WDR25: variants seen among roughly 807,000 people sequenced by gnomAD.
WDR25 encodes WD repeat domain 25.
In WDR25, 35 loss-of-function variants were observed where a neutral mutation model predicts 47.7. The observed-to-expected ratio is 0.73, with a 90% CI of 0.56 to 0.97. The LOEUF (loss-of-function observed/expected upper bound fraction) is 0.97, where lower values mean the gene tolerates loss of function less well. Ranked by LOEUF, WDR25 falls within the 50% of genes least tolerant of loss-of-function variation. The pLI is 0.00. For missense variants in WDR25, 634 were observed against 704.7 expected (o/e 0.90, Z 1.14); for synonymous variants, 248 against 278.9 (o/e 0.89, Z 1.10).
chr14:100,465,916 G>A (rs1029711002), intron 2 of WDR25, among the ~76,000 whole-genome samples: 1 of 152,192 alleles, frequency 6.6e-6, no homozygotes, highest in Non-Finnish European at 1.5e-5. Context: ...GTACAAGGTG[G>A]TGTTTCATGT....
At chr14:100,405,865 T>C (rs1487447258) in intron 2 of WDR25, among the ~76,000 whole-genome samples, 1 of 152,230 alleles carries the variant, frequency 6.6e-6, no homozygotes, top group Non-Finnish European at 1.5e-5. Context: ...TGTTTTTCTC[T>C]GTAACTGGCC....
intron 3 of WDR25, among the ~76,000 whole-genome samples, chr14:100,475,728 C>A (rs11626307): frequency 0.25 from 37,670 of 151,932 alleles, 6,116 homozygotes; most frequent in East Asian, 0.52. Context: ...TGCATGATGA[C>A]CACAGTTAAT....
intron 3 of WDR25, among the ~76,000 whole-genome samples, chr14:100,472,421 C>G (rs1899871562): frequency 1.3e-5 from 2 of 152,268 alleles, no homozygotes; most frequent in South Asian, 2.1e-4. Flanking sequence ...TTCTACCACA[C>G]CACCTGGTGC....
In WDR25 at chr14:100,523,177, T is replaced by C. The variant is rs1417725548; in HGVS notation, c.1102-2693T>C. 6.6e-6 allele frequency among the ~76,000 whole-genome samples: 1 copy of C among 152,254 alleles called. No homozygotes were observed. Among genetic ancestry groups the C allele is most frequent in the Admixed American group, 6.5e-5 (1 of 15,294 alleles). ...TTCACTCATTCATTTATGCATTTAC[T>C]CACTTATCCAGCATCAATTTGACAC... On this transcript the variant is annotated intron_variant, in intron 4 of 6. Transcript: ENST00000402312. The surrounding 1 kb of genome is among the most constrained non-coding windows in gnomAD (Gnocchi z 4.7).
At chr14:100,450,545 C>A (rs1898994592) in intron 2 of WDR25, among the ~76,000 whole-genome samples, 1 of 152,224 alleles carries the variant, frequency 6.6e-6, no homozygotes, top group Non-Finnish European at 1.5e-5. Flanking sequence ...GCATAAATAT[C>A]TGTTGAACAA....
At chr14:100,495,826 A>G (rs147243377) in intron 4 of WDR25, among the ~76,000 whole-genome samples, 1 of 152,370 alleles carries the variant, frequency 6.6e-6, no homozygotes, top group Non-Finnish European at 1.5e-5. Context: ...TGACCAAATA[A>G]TATTCCATTG....
In WDR25 at chr14:100,495,866, C is replaced by G. The variant is rs76604558; in HGVS notation, c.1101+11742C>G. ...GATATACACATTTTGTTTCTCCATT[C>G]TCTAGGTGATGGACGTTTGCATTGT... is the stretch of plus-strand genomic sequence containing the variant. On this transcript the variant is annotated intron_variant, in intron 4 of 6. Coordinates refer to ENST00000402312, the MANE Select transcript of WDR25 (RefSeq NM_001161476.3). Among the ~76,000 whole-genome samples, 1,380 of 152,290 alleles carry G rather than the reference C, an allele frequency of 9.1e-3. 18 individuals carry two copies. Among genetic ancestry groups the G allele is most frequent in the African/African-American group, 0.032 (1,319 of 41,540 alleles).
intron 2 of WDR25, among the ~76,000 whole-genome samples, chr14:100,384,896 G>A (rs746256098): frequency 1.3e-5 from 2 of 152,222 alleles, no homozygotes; most frequent in African/African-American, 4.8e-5. Flanking sequence ...CCTTGGTTGC[G>A]TGGTCTCTGG....
At position 100,462,188 on chromosome 14, in the gene WDR25, C is replaced by G. The variant is rs542895350; in HGVS notation, c.823-5833C>G. Among the ~76,000 whole-genome samples, 3 of 152,300 alleles carry G rather than the reference C, an allele frequency of 2.0e-5. 1 individual carries two copies. The highest frequency in any genetic ancestry group is 7.2e-5 in the African/African-American group (3 of 41,566). The stretch of plus-strand genomic sequence containing the variant: ...TGTCTTGGTAACGAGGACACAGAAA[C>G]TGTGGTAAATATGGCACCGACAAGT... On this transcript the variant is annotated intron_variant, in intron 2 of 6. Transcript: ENST00000402312.
At chr14:100,410,817 C>G (rs1006196332) in intron 2 of WDR25, among the ~76,000 whole-genome samples, 3 of 149,700 alleles carry the variant, frequency 2.0e-5, no homozygotes, top group African/African-American at 7.4e-5. Flanking sequence ...GAGTCTCACG[C>G]TGTCGCCCAC....
Position 100,403,446 on chromosome 14 carries a change from T to G in WDR25, c.822+21700T>G, listed in dbSNP as rs34393347. Among the ~76,000 whole-genome samples the G allele has an allele frequency of 7.9e-5, 12 of 152,220 alleles. No individual in the cohort carries two copies. In the South Asian group the frequency reaches 2.3e-3, roughly 29 times the overall value. The stretch of plus-strand genomic sequence containing the variant: ...ACTCCTGGGAAGGAACTGGGCAGAT[T>G]TGTGTTTGAGCCATGGCTCTTTCTA... On this transcript the variant is annotated intron_variant, in intron 2 of 6. Coordinates refer to ENST00000402312, the MANE Select transcript of WDR25 (RefSeq NM_001161476.3).
At chr14:100,418,635 CAA>C (rs71113266) in intron 2 of WDR25, among the ~76,000 whole-genome samples, 5 of 129,334 alleles carry the variant, frequency 3.9e-5, no homozygotes, top group African/African-American at 3.1e-5. Context: ...GACTCCGTCT[CAA>C]AAAAAAAAAA....
intron 4 of WDR25, among the ~76,000 whole-genome samples, chr14:100,521,584 G>T (rs1395987227): frequency 3.3e-5 from 5 of 152,032 alleles, no homozygotes; most frequent in African/African-American, 9.7e-5. Context: ...AGCAGGATAG[G>T]TTCCTCATTC....
At chr14:100,457,267 T>C (rs1259851806) in intron 2 of WDR25, among the ~76,000 whole-genome samples, 1 of 152,212 alleles carries the variant, frequency 6.6e-6, no homozygotes, top group Admixed American at 6.5e-5. Flanking sequence ...AAATTTCTTA[T>C]AACTACTGTT....
At chr14:100,519,004 A>G (rs192104773) in intron 4 of WDR25, among the ~76,000 whole-genome samples, 1 of 151,896 alleles carries the variant, frequency 6.6e-6, no homozygotes, top group East Asian at 1.9e-4. Context: ...ATTTGGGCAG[A>G]ATGAGGGATT....
At chr14:100,521,785 T>G (rs562390729) in intron 4 of WDR25, among the ~76,000 whole-genome samples, 1 of 152,358 alleles carries the variant, frequency 6.6e-6, no homozygotes, top group South Asian at 2.1e-4. Flanking sequence ...GAAGTGGGGT[T>G]GCTGGGTCAT....
At position 100,440,971 on chromosome 14, in the gene WDR25, A is replaced by C. The variant is rs891883523; in HGVS notation, c.823-27050A>C. On this transcript the variant is annotated intron_variant, in intron 2 of 6. Coordinates refer to ENST00000402312, the MANE Select transcript of WDR25 (RefSeq NM_001161476.3). This position sits in a 1 kb window ranked among gnomAD's most constrained non-coding sequence, Gnocchi z 4.4. Reference sequence around the variant, plus strand: ...AAGATGCTGCTGCTGAATTTGTGTCAAAGTACCCGGTCCCTGGCATTTTGA... The same window carrying C: ...AAGATGCTGCTGCTGAATTTGTGTCCAAGTACCCGGTCCCTGGCATTTTGA... 1.3e-5 allele frequency among the ~76,000 whole-genome samples: 2 copies of C among 152,158 alleles called. No individual in the cohort carries two copies. Among genetic ancestry groups the C allele is most frequent in the Admixed American group, 6.5e-5 (1 of 15,276 alleles).
chr14:100,490,804 G>A (rs1224204658), intron 4 of WDR25, among the ~76,000 whole-genome samples: 1 of 152,224 alleles, frequency 6.6e-6, no homozygotes, highest in Non-Finnish European at 1.5e-5. Context: ...CATCAGTTTT[G>A]TGGCATTGTA....
At chr14:100,412,536 G>A (rs1312382801) in intron 2 of WDR25, among the ~76,000 whole-genome samples, 1 of 152,216 alleles carries the variant, frequency 6.6e-6, no homozygotes, top group Non-Finnish European at 1.5e-5. Flanking sequence ...AAGTATGCAT[G>A]TGCGTCTACG....
Sources: gnomAD v4.1 joint callset for allele counts (sites outside exome capture counted in the v4.1 genomes callset) on GRCh38, gnomAD v4.1.1 for gene constraint, Gnocchi (gnomAD v3.1) non-coding constraint, MANE v1.5 for transcripts, NCBI Gene and HGNC (gene_info 2026-07-23, HGNC 2026-07-21) for gene names.